KANK1: variants seen among roughly 807,000 people sequenced by gnomAD.
KANK1 encodes the protein KN motif and ankyrin repeat domains 1, also known as KN motif and ankyrin repeat domain-containing protein 1.
A neutral mutation model predicts 106.2 loss-of-function variants in KANK1; 109 were observed. The ratio of observed to expected loss-of-function variants is 1.03; its 90% CI spans 0.88 to 1.20. The LOEUF is 1.20. Among genes scored for constraint, KANK1 ranks in the 50% most tolerant of loss-of-function variants. The probability of loss-of-function intolerance (pLI) is 0.00; values close to 1 mark genes in which losing one functional copy is unlikely to be tolerated. For synonymous variants in KANK1, 873 were observed against 652.2 expected (o/e 1.34, Z -5.16); for missense variants, 2,399 against 1,710.7 (o/e 1.40, Z -7.10).
chr9:571,361 G>A (rs7038982), intron 1 of KANK1, among the ~76,000 whole-genome samples: 3 of 152,146 alleles, frequency 2.0e-5, no homozygotes, highest in African/African-American at 7.2e-5. Context: ...TTGGCAACAC[G>A]TGTTAATGGA....
At chr9:530,758 G>A (rs1399312691) in intron 1 of KANK1, among the ~76,000 whole-genome samples, 1 of 152,192 alleles carries the variant, frequency 6.6e-6, no homozygotes, top group Non-Finnish European at 1.5e-5. Flanking sequence ...GAAGGCCCAG[G>A]AAGGTGGAGT....
At chr9:505,927 T>G (rs532590293) in intron 1 of KANK1, among the ~76,000 whole-genome samples, 79 of 152,336 alleles carry the variant, frequency 5.2e-4, no homozygotes, top group Non-Finnish European at 9.4e-4. Flanking sequence ...TTAGGTGGCG[T>G]TAACAGCTAA....
chr9:601,013 G>C (rs1377133799), intron 1 of KANK1, among the ~76,000 whole-genome samples: 2 of 151,718 alleles, frequency 1.3e-5, no homozygotes, highest in Admixed American at 6.6e-5. Flanking sequence ...AGCAGAAGGA[G>C]GGAGATCCTT....
chr9:730,486 G>C, intron 4 of KANK1: 2 of 478,200 alleles, frequency 4.2e-6, no homozygotes, highest in East Asian at 8.2e-5. Flanking sequence ...GAGGCCAGGA[G>C]TTCGAGACCA....
chr9:517,899 C>G (rs1928417), intron 1 of KANK1, among the ~76,000 whole-genome samples: 45,705 of 150,926 alleles, frequency 0.3, 11,443 homozygotes, highest in African/African-American at 0.68. Context: ...CACCATGCCT[C>G]GCTAATTTTT....
intron 1 of KANK1, among the ~76,000 whole-genome samples, chr9:620,891 C>T (rs955427984): frequency 6.6e-6 from 1 of 152,230 alleles, no homozygotes; most frequent in South Asian, 2.1e-4. Context: ...CAATTTTACT[C>T]TTAACCAATT....
At chr9:642,143 A>C (rs930800016) in intron 1 of KANK1, among the ~76,000 whole-genome samples, 1 of 152,170 alleles carries the variant, frequency 6.6e-6, no homozygotes, top group Non-Finnish European at 1.5e-5. Context: ...TGTGCGGATT[A>C]AACCAGCTTA....
intron 1 of KANK1, among the ~76,000 whole-genome samples, chr9:641,413 T>C (rs930117922): frequency 6.6e-6 from 1 of 152,216 alleles, no homozygotes; most frequent in African/African-American, 2.4e-5. Flanking sequence ...GTGGTGATCC[T>C]TGTTTCTTAG....
At chr9:518,357 G>A (rs934017393) in intron 1 of KANK1, among the ~76,000 whole-genome samples, 1 of 151,586 alleles carries the variant, frequency 6.6e-6, no homozygotes, top group Non-Finnish European at 1.5e-5. Context: ...AGGCTGGGTT[G>A]TGTCATCCCG....
At chr9:714,533 A>G (rs1827159444) in intron 3 of KANK1, among the ~76,000 whole-genome samples, 1 of 151,598 alleles carries the variant, frequency 6.6e-6, no homozygotes, top group Non-Finnish European at 1.5e-5. Context: ...CCACTTTTGT[A>G]TTTTAGTAGA....
chr9:549,337 T>G (rs1273247758), intron 1 of KANK1: 11 of 152,146 alleles, frequency 7.2e-5, no homozygotes, highest in Admixed American at 7.2e-4. Context: ...TGGGAAAGAG[T>G]CAACAATGGC....
At chr9:532,656 G>GCTACT (rs2060118764) in intron 1 of KANK1, among the ~76,000 whole-genome samples, 1 of 152,096 alleles carries the variant, frequency 6.6e-6, no homozygotes. Context: ...TCTTCACCAA[G>GCTACT]CTACTTGGCG....
At chr9:613,042 A>T (rs1369552889) in intron 1 of KANK1, among the ~76,000 whole-genome samples, 1 of 152,238 alleles carries the variant, frequency 6.6e-6, no homozygotes, top group African/African-American at 2.4e-5. Flanking sequence ...TGAGTGGGTG[A>T]AGATATTGGG....
At chr9:738,786 G>T (rs73376603) in intron 8 of KANK1, among the ~76,000 whole-genome samples, 2 of 152,192 alleles carry the variant, frequency 1.3e-5, no homozygotes, top group Non-Finnish European at 2.9e-5. Flanking sequence ...TGTATGCCTG[G>T]TAAGAAGCAT....
At chr9:546,718 T>C (rs2060956089) in intron 1 of KANK1, among the ~76,000 whole-genome samples, 1 of 151,914 alleles carries the variant, frequency 6.6e-6, no homozygotes, top group Admixed American at 6.6e-5. Context: ...TGTGTCCTTA[T>C]TTCTGTTTCT....
At chr9:482,211 G>A (rs1182738569) in intron 3 of KANK1, among the ~76,000 whole-genome samples, 1 of 152,124 alleles carries the variant, frequency 6.6e-6, no homozygotes, top group Non-Finnish European at 1.5e-5. Flanking sequence ...ACAGTCATTG[G>A]GCTACCTCTT....
At chr9:648,641 TAG>T (rs1036425416) in intron 1 of KANK1, among the ~76,000 whole-genome samples, 1 of 152,086 alleles carries the variant, frequency 6.6e-6, no homozygotes, top group African/African-American at 2.4e-5. Context: ...GTAACAAAGG[TAG>T]AGTGTAATAA....
intron 1 of KANK1, among the ~76,000 whole-genome samples, chr9:604,474 C>T (rs1460938540): frequency 6.6e-6 from 1 of 151,776 alleles, no homozygotes; most frequent in Non-Finnish European, 1.5e-5. Context: ...CCATGTCTCT[C>T]TCTGTCTCTC....
At chr9:697,132 T>A (rs1821512719) in intron 2 of KANK1, among the ~76,000 whole-genome samples, 1 of 152,100 alleles carries the variant, frequency 6.6e-6, no homozygotes, top group South Asian at 2.1e-4. Flanking sequence ...AGTTGTCATG[T>A]CTTTTTGGCC....
Sources: allele counts gnomAD v4.1 joint callset (sites outside exome capture counted in the v4.1 genomes callset), GRCh38; gene constraint gnomAD v4.1.1; transcripts MANE v1.5; gene names NCBI Gene and HGNC (gene_info 2026-07-23, HGNC 2026-07-21).